PDS5B: variants seen among roughly 807,000 people sequenced by gnomAD.
The protein encoded by PDS5B is PDS5 cohesin associated factor B, also known as sister chromatid cohesion protein PDS5 homolog B.
Under a neutral mutation model 184.1 loss-of-function variants are expected in PDS5B, and 51 were observed. The observed-to-expected ratio is 0.28, with a 90% CI of 0.22 to 0.35. The LOEUF (loss-of-function observed/expected upper bound fraction) is 0.35. PDS5B is among the 10% of genes least tolerant of loss of function. PDS5B has a pLI of 1.00. For missense variants in PDS5B, 1,180 were observed against 1,723.3 expected (o/e 0.68, Z 5.58); for synonymous variants, 566 against 569.2 (o/e 0.99, Z 0.08).
chr13:32,614,295 GA>G (rs1306144340), intron 1 of PDS5B, among the ~76,000 whole-genome samples: 9 of 138,820 alleles, frequency 6.5e-5, no homozygotes, highest in Non-Finnish European at 1.4e-4. Flanking sequence ...ATTCACATTG[GA>G]ATTTTTTTTT....
At chr13:32,687,524 A>G (rs1951431878) in intron 12 of PDS5B, among the ~76,000 whole-genome samples, 1 of 152,178 alleles carries the variant, frequency 6.6e-6, no homozygotes, top group Admixed American at 6.5e-5. Flanking sequence ...GTATTTGAAC[A>G]GTCATATCTA....
chr13:32,628,835 T>C (rs2058411487), intron 1 of PDS5B, among the ~76,000 whole-genome samples: 1 of 151,280 alleles, frequency 6.6e-6, no homozygotes, highest in Non-Finnish European at 1.5e-5. Flanking sequence ...CCACACTTCA[T>C]GTAGCTGTTG....
At chr13:32,631,121 T>C (rs555837407) in intron 1 of PDS5B, among the ~76,000 whole-genome samples, 13 of 142,106 alleles carry the variant, frequency 9.1e-5, no homozygotes, top group South Asian at 4.2e-4. Flanking sequence ...TTTCTTTCTT[T>C]TTTTTTTTTT....
intron 30 of PDS5B, among the ~76,000 whole-genome samples, chr13:32,764,237 A>G (rs1048503648): frequency 7.2e-5 from 11 of 152,150 alleles, no homozygotes; most frequent in African/African-American, 2.7e-4. Flanking sequence ...TGACCCCAAA[A>G]TAGAATTTAG....
intron 1 of PDS5B, among the ~76,000 whole-genome samples, chr13:32,644,012 A>T (rs1294877286): frequency 2.0e-5 from 3 of 152,106 alleles, no homozygotes; most frequent in African/African-American, 7.2e-5. Flanking sequence ...TTTCTTTTCC[A>T]ATATGTATGC....
intron 19 of PDS5B, among the ~76,000 whole-genome samples, chr13:32,726,949 A>G (rs1952920901): frequency 6.6e-6 from 1 of 152,128 alleles, no homozygotes; most frequent in Admixed American, 6.5e-5. Context: ...TTTTAAATAA[A>G]TGTCCTAGTT....
chr13:32,745,929 T>C (rs762585901), intron 23 of PDS5B, 48 bp from the exon 24 acceptor site: 3 of 1,469,298 alleles, frequency 2.0e-6, no homozygotes, highest in Admixed American at 3.7e-5. Context: ...GAAGATTTTG[T>C]ACAAATATTT....
chr13:32,741,139 A>G lies in PDS5B; in HGVS notation c.2466A>G (p.Thr822=). ...CAGATGAAGAAGTATCTCCTGAGAC[A>G]ATGGTCAAAGTGAGTAATGTGCATA... is the stretch of plus-strand genomic sequence containing the variant. The part of the protein sequence containing the change: ...WVPDEEVSPE[T]MVKIQAIKMM... Residue 822 remains threonine (T), a synonymous_variant, in exon 22 of 35, where the codon ACA becomes ACG. Coordinates refer to ENST00000315596, the MANE Select transcript of PDS5B (RefSeq NM_015032.4). 1.9e-6 allele frequency: 3 copies of G among 1,547,566 alleles called. No homozygotes were observed. Among genetic ancestry groups the G allele is most frequent in the Non-Finnish European group, 2.7e-6 (3 of 1,123,628 alleles).
At chr13:32,601,206 A>G (rs1049569822) in intron 1 of PDS5B, among the ~76,000 whole-genome samples, 1 of 152,184 alleles carries the variant, frequency 6.6e-6, no homozygotes, top group African/African-American at 2.4e-5. Flanking sequence ...GTCATTCTTT[A>G]AAAGTATTTT....
chr13:32,629,022 A>G lies in PDS5B; in HGVS notation c.-19-19732A>G, dbSNP rs1174665762. Reference sequence around the variant, plus strand: ...GGTATTAACACAAATCTTTTCAGAAAGGCTGTAATAATTCACATTTCCAGT... The same window carrying G: ...GGTATTAACACAAATCTTTTCAGAAGGGCTGTAATAATTCACATTTCCAGT... On this transcript the variant is annotated intron_variant, in intron 1 of 34. Transcript: ENST00000315596. 1.2e-4 allele frequency among the ~76,000 whole-genome samples: 19 copies of G among 152,220 alleles called. 1 individual carries two copies. Among genetic ancestry groups the G allele is most frequent in the Admixed American group, 1.2e-3 (19 of 15,284 alleles).
chr13:32,599,637 G>A (rs1203204487), intron 1 of PDS5B, among the ~76,000 whole-genome samples: 3 of 151,748 alleles, frequency 2.0e-5, no homozygotes, highest in Admixed American at 1.3e-4. Context: ...AATACCGGCC[G>A]GGCGCGGTGA....
At chr13:32,698,761 T>C (rs998194512) in intron 15 of PDS5B, among the ~76,000 whole-genome samples, 11 of 145,030 alleles carry the variant, frequency 7.6e-5, no homozygotes, top group East Asian at 5.9e-4. Context: ...AGTTCTCTCT[T>C]TTTTTTTTTT....
intron 6 of PDS5B, among the ~76,000 whole-genome samples, chr13:32,659,842 A>G (rs1321707525): frequency 1.3e-5 from 2 of 152,128 alleles, no homozygotes; most frequent in East Asian, 3.8e-4. Flanking sequence ...GGAGAGGAGG[A>G]CAGGAATCAC....
chr13:32,638,529 T>C (rs780764784), intron 1 of PDS5B, among the ~76,000 whole-genome samples: 14 of 152,202 alleles, frequency 9.2e-5, no homozygotes, highest in Non-Finnish European at 1.8e-4. Context: ...TGAAGGTAAT[T>C]TGGGAGAGAG....
chr13:32,738,191 C>T (rs1953407360), intron 21 of PDS5B, among the ~76,000 whole-genome samples: 1 of 152,108 alleles, frequency 6.6e-6, no homozygotes, highest in African/African-American at 2.4e-5. Flanking sequence ...TCTATTGAAG[C>T]CCCCTGCTAC....
chr13:32,775,095 A>AAAATTTTT lies in PDS5B; in HGVS notation c.*43_*44insAAATTTTT. On this transcript the variant is annotated 3_prime_UTR_variant, in exon 35 of 35. Transcript: ENST00000315596. ...CTTTCTCTGTGAAAGCTTTGGAAAA[A>AAAATTTTT]TCTTTTTTTTTTTTTTTGGTCAAGC... 1 of 547,628 alleles carries AAAATTTTT rather than the reference A, an allele frequency of 1.8e-6. No homozygotes were observed. Among genetic ancestry groups the AAAATTTTT allele is most frequent in the Non-Finnish European group, 2.6e-6 (1 of 388,742 alleles). The allele number at this position is 547,628 out of a possible 1,614,324, so 33.9% of individuals were successfully genotyped here. A position where few individuals can be genotyped will look rare whatever the true frequency, so the allele number is the denominator to read the frequency against.
At position 32,658,304 on chromosome 13, in the gene PDS5B, T is replaced by C. The variant is rs912458481; in HGVS notation, c.378T>C (p.Asn126=). ...AGGATACAAAGAGCCCACAATTCAA[T>C]AGGTATTTTTATTTACTTGAGGTAA... ...GLEDTKSPQF[N]RYFYLLENIA... is the part of the protein sequence containing the mutation. The change falls in exon 4 of 35, where the codon AAT becomes AAC. Residue 126 remains asparagine, a synonymous_variant. Transcript: ENST00000315596. The C allele has an allele frequency of 4.7e-6, 7 of 1,504,688 alleles. No homozygotes were observed. In the Admixed American group the frequency reaches 5.1e-5, roughly 11 times the overall value. 93.2% of individuals were successfully genotyped at this position (1,504,688 alleles called of 1,614,324 possible).
At chr13:32,717,039 G>A (rs1327324860) in intron 19 of PDS5B, among the ~76,000 whole-genome samples, 4 of 140,462 alleles carry the variant, frequency 2.8e-5, no homozygotes, top group Admixed American at 6.8e-5. Context: ...CCCCCCGCCC[G>A]GCCAGCCGCC....
chr13:32,775,104 T>TTC lies in PDS5B; in HGVS notation c.*53_*54insCT. 1 of 1,520,606 alleles carries TTC rather than the reference T, an allele frequency of 6.6e-7. No individual in the cohort carries two copies. Among genetic ancestry groups the TTC allele is most frequent in the Non-Finnish European group, 9.0e-7 (1 of 1,111,278 alleles). The allele number at this position is 1,520,606 out of a possible 1,614,324, so 94.2% of individuals were successfully genotyped here. A position where few individuals can be genotyped will look rare whatever the true frequency, so the allele number is the denominator to read the frequency against. On this transcript the variant is annotated 3_prime_UTR_variant, in exon 35 of 35. Coordinates refer to ENST00000315596, the MANE Select transcript of PDS5B (RefSeq NM_015032.4). ...TGAAAGCTTTGGAAAAATCTTTTTT[T>TTC]TTTTTTTTGGTCAAGCTTGAGGCTG...
Sources: gnomAD v4.1 joint callset for allele counts (sites outside exome capture counted in the v4.1 genomes callset) on GRCh38, gnomAD v4.1.1 for gene constraint, MANE v1.5 for transcripts, NCBI Gene and HGNC (gene_info 2026-07-23, HGNC 2026-07-21) for gene names.